Variants in WDFY4 observed in about 807,000 individuals in gnomAD.
WDFY4 encodes the protein WDFY family member 4, also known as WD repeat- and FYVE domain-containing protein 4.
WDFY4 carries 169 observed loss-of-function variants against 351.9 expected under a neutral mutation model. That is an observed-to-expected ratio of 0.48 (90% CI 0.42 to 0.55). The LOEUF is 0.55. WDFY4 is among the 20% of genes least tolerant of loss of function. The pLI, the probability that WDFY4 is intolerant of heterozygous loss-of-function variation, is 0.00. For synonymous variants in WDFY4, 1,622 were observed against 1,574.6 expected, an observed-to-expected ratio of 1.03 and a Z score of -0.71; for missense variants, 3,803 against 3,935.6, an observed-to-expected ratio of 0.97 and a Z score of 0.90.
Position 48,963,870 on chromosome 10 carries a change from A to G in WDFY4, c.8252A>G (p.Asn2751Ser), listed in dbSNP as rs1163033131. The change falls in exon 54 of 62, where the codon AAC becomes AGC. Residue 2751 changes from asparagine to serine, a missense_variant. By Grantham distance (46) the Asn-to-Ser change is conservative. This residue lies in a region of WDFY4 where 3,054 missense variants were observed against 3,148.6 expected (regional missense o/e 0.97). Transcript: ENST00000325239. ...CTGGAAAGTGACTTTGTCAGTGCCA[A>G]CCTCCACCATTGGATAGACCTTATT... ...KALESDFVSA[N>S]LHHWIDLIFG... The G allele has an allele frequency of 3.2e-6, 5 of 1,551,448 alleles. No homozygotes were observed. In the South Asian group the frequency reaches 4.8e-5, roughly 15 times the overall value.
rs1241003098 is a variant in WDFY4 at position 48,737,121 on chromosome 10, C to CA, written c.1878+1052dup. On this transcript the variant is annotated intron_variant, in intron 11 of 61. Coordinates refer to ENST00000325239, the MANE Select transcript of WDFY4 (RefSeq NM_001394531.1). ...AAAAGGATTGCTTGAGTGATCCTCCCACCTCAGGCTCCTAAGTAGCTAGAA... is the reference window on the plus strand; with the variant it reads ...AAAAGGATTGCTTGAGTGATCCTCCCAACCTCAGGCTCCTAAGTAGCTAGAA... Among the ~76,000 whole-genome samples, 4 of 152,218 alleles carry CA rather than the reference C, an allele frequency of 2.6e-5. No homozygotes were observed. The East Asian group carries it at 7.7e-4, about 29-fold the overall frequency.
intron 47 of WDFY4, among the ~76,000 whole-genome samples, chr10:48,920,457 G>A (rs1686566047): frequency 6.6e-6 from 1 of 151,926 alleles, no homozygotes; most frequent in South Asian, 2.1e-4. Flanking sequence ...CATGGCACAT[G>A]TATACATATG....
At chr10:48,943,961 T>G (rs763067162) in intron 49 of WDFY4, among the ~76,000 whole-genome samples, 5 of 152,170 alleles carry the variant, frequency 3.3e-5, no homozygotes, top group Admixed American at 6.5e-5. Flanking sequence ...TGGATCCCCC[T>G]GTGGAATGAT....
intron 2 of WDFY4, among the ~76,000 whole-genome samples, chr10:48,716,105 G>A (rs890328703): frequency 2.6e-5 from 4 of 151,864 alleles, no homozygotes; most frequent in South Asian, 2.1e-4. Flanking sequence ...GTTTTGATGC[G>A]CCATTTTTTT....
chr10:48,887,479 A>T (rs1331186864), intron 43 of WDFY4, among the ~76,000 whole-genome samples: 1 of 152,228 alleles, frequency 6.6e-6, no homozygotes, highest in East Asian at 1.9e-4. Context: ...AATTCTGCTT[A>T]TAGAAATTTA....
At chr10:48,951,285 A>C (rs573226678) in intron 51 of WDFY4, among the ~76,000 whole-genome samples, 1 of 152,316 alleles carries the variant, frequency 6.6e-6, no homozygotes, top group East Asian at 1.9e-4. Context: ...TGGCACATGC[A>C]GGCAGTGTGA....
chr10:48,885,982 C>G (rs180862736), intron 43 of WDFY4, among the ~76,000 whole-genome samples: 57 of 152,234 alleles, frequency 3.7e-4, no homozygotes, highest in African/African-American at 1.3e-3. Context: ...TATGCCAATA[C>G]TATTAGAATG....
At chr10:48,970,400 C>T (rs1344630447) in intron 57 of WDFY4, 111 bp downstream of exon 57, 6 of 1,399,562 alleles carry the variant, frequency 4.3e-6, no homozygotes, top group African/African-American at 1.4e-5. Flanking sequence ...GGAACACACC[C>T]TAACTCTGCT....
At chr10:48,829,748 A>G (rs1309801411) in intron 37 of WDFY4, among the ~76,000 whole-genome samples, 1 of 152,134 alleles carries the variant, frequency 6.6e-6, no homozygotes. Context: ...GCTACTCGGG[A>G]GGCTGAGGCA....
At chr10:48,779,276 G>C (rs572435350) in intron 18 of WDFY4, among the ~76,000 whole-genome samples, 3 of 152,188 alleles carry the variant, frequency 2.0e-5, no homozygotes, top group African/African-American at 4.8e-5. Flanking sequence ...AACCCAGAAG[G>C]CTGGCCCATG....
intron 39 of WDFY4, among the ~76,000 whole-genome samples, chr10:48,846,416 A>G (rs2068777967): frequency 6.6e-6 from 1 of 152,108 alleles, no homozygotes; most frequent in South Asian, 2.1e-4. Context: ...TCATTTTCTC[A>G]TTTACTCCCT....
At chr10:48,875,991 C>A (rs1389685666) in intron 42 of WDFY4, among the ~76,000 whole-genome samples, 1 of 152,218 alleles carries the variant, frequency 6.6e-6, no homozygotes, top group Non-Finnish European at 1.5e-5. Flanking sequence ...GCAGAGAGTG[C>A]AGTGGTGGAA....
chr10:48,968,874 C>A (rs1842207845), intron 55 of WDFY4, 190 bp from the exon 56 acceptor site: 2 of 609,906 alleles, frequency 3.3e-6, no homozygotes, highest in Non-Finnish European at 5.7e-6. Flanking sequence ...TGGGTGCTGT[C>A]CTTCTGTGCA....
chr10:48,777,257 T>A (rs1333169103), intron 16 of WDFY4, among the ~76,000 whole-genome samples, 162 bp from the exon 17 acceptor site: 1 of 152,190 alleles, frequency 6.6e-6, no homozygotes, highest in Admixed American at 6.5e-5. Context: ...TTAGGCATCC[T>A]ACCAGCACCA....
chr10:48,857,919 G>A (rs754927801), intron 39 of WDFY4, among the ~76,000 whole-genome samples: 15 of 151,982 alleles, frequency 9.9e-5, no homozygotes, highest in Non-Finnish European at 1.6e-4. Context: ...AGCCTCCCGA[G>A]TAGCTGGGAT....
chr10:48,844,059 G>A (rs1012092476), intron 39 of WDFY4, among the ~76,000 whole-genome samples: 4 of 152,334 alleles, frequency 2.6e-5, no homozygotes, highest in South Asian at 4.1e-4. Flanking sequence ...CAGCCGGGCC[G>A]CCTGGCGCCT....
chr10:48,740,267 G>A (rs1204083546), intron 11 of WDFY4, among the ~76,000 whole-genome samples: 1 of 152,218 alleles, frequency 6.6e-6, no homozygotes, highest in Non-Finnish European at 1.5e-5. Context: ...GTACCACATC[G>A]CAGTGAACAG....
At chr10:48,955,579 C>G (rs1484763577) in intron 51 of WDFY4, among the ~76,000 whole-genome samples, 1 of 149,746 alleles carries the variant, frequency 6.7e-6, no homozygotes, top group East Asian at 1.9e-4. Flanking sequence ...ATGGGTTTGC[C>G]CCAGTTCTGC....
chr10:48,835,277 C>T (rs1028437803), intron 39 of WDFY4, among the ~76,000 whole-genome samples: 3 of 151,896 alleles, frequency 2.0e-5, no homozygotes, highest in African/African-American at 4.8e-5. Flanking sequence ...GGGAGGGGGG[C>T]GAGAGAGGGG....
Sources: gnomAD v4.1 joint callset for allele counts (sites outside exome capture counted in the v4.1 genomes callset) on GRCh38, gnomAD v4.1.1 for gene constraint, gnomAD v4.1.1 regional missense constraint, MANE v1.5 for transcripts, NCBI Gene and HGNC (gene_info 2026-07-23, HGNC 2026-07-21) for gene names.